BRCA1: variants seen among roughly 807,000 people sequenced by gnomAD.
BRCA1 encodes the protein breast cancer type 1 susceptibility protein.
A neutral mutation model predicts 173.7 loss-of-function variants in BRCA1; 140 were observed. That is an observed-to-expected ratio of 0.81 (90% confidence interval 0.70 to 0.93). The LOEUF (loss-of-function observed/expected upper bound fraction) is 0.93. Ranked by LOEUF, BRCA1 falls within the 40% of genes least tolerant of loss-of-function variation. The pLI is 0.00. For synonymous variants in BRCA1, 662 were observed against 756.0 expected (o/e 0.88, Z 2.04); for missense variants, 1,983 against 2,172.5 (o/e 0.91, Z 1.73).
chr17:43,096,035 C>T, intron 8 of BRCA1, 113 bp from the exon 9 acceptor site: 1 of 884,888 alleles, frequency 1.1e-6, no homozygotes, highest in Non-Finnish European at 1.8e-6. Context: ...GCTGACCAAT[C>T]TTATTTAGTT....
At chr17:43,154,993 C>T (rs778108036) in intron 1 of BRCA1, among the ~76,000 whole-genome samples, 1 of 152,010 alleles carries the variant, frequency 6.6e-6, no homozygotes, top group Non-Finnish European at 1.5e-5. Context: ...AAAGAGGGAG[C>T]AGAGAAGGCA....
chr17:43,121,683 CAAAAAAAAA>C (rs71160013), intron 2 of BRCA1, among the ~76,000 whole-genome samples: 15 of 32,904 alleles, frequency 4.6e-4, no homozygotes, highest in South Asian at 2.8e-3. Flanking sequence ...AAGTCTGTCT[CAAAAAAAAA>C]AAAAAAAAAA....
chr17:43,104,012 C>T (rs917306070), intron 6 of BRCA1, 110 bp downstream of exon 6: 1 of 1,367,708 alleles, frequency 7.3e-7, no homozygotes, highest in East Asian at 2.3e-5. Context: ...GGGGCTAAGG[C>T]AGGAGGACTG....
chr17:43,150,843 C>T (rs182791090), intron 1 of BRCA1, among the ~76,000 whole-genome samples: 19 of 152,212 alleles, frequency 1.2e-4, no homozygotes, highest in Admixed American at 9.8e-4. Context: ...CCTAGTTTGC[C>T]AAAGAGTCTC....
intron 18 of BRCA1, among the ~76,000 whole-genome samples, chr17:43,061,605 C>T: frequency 6.8e-6 from 1 of 146,952 alleles, no homozygotes; most frequent in Middle Eastern, 3.5e-3. Context: ...TTTTTTAAGA[C>T]AGGGTCTCAT....
At chr17:43,135,235 G>A (rs892670122) in intron 1 of BRCA1, among the ~76,000 whole-genome samples, 2 of 152,220 alleles carry the variant, frequency 1.3e-5, no homozygotes, top group Non-Finnish European at 2.9e-5. Context: ...TTCAGCCTCG[G>A]TCCAAAAGGA....
At chr17:43,121,078 G>T (rs35668327) in intron 2 of BRCA1, among the ~76,000 whole-genome samples, 1 of 137,542 alleles carries the variant, frequency 7.3e-6, no homozygotes, top group Non-Finnish European at 1.6e-5. Context: ...CCCCCACCCC[G>T]AAAAAAAAAG....
At chr17:43,067,890 T>TTAA (rs772731581) in intron 15 of BRCA1, among the ~76,000 whole-genome samples, 195 bp from the exon 16 acceptor site, 3 of 50,112 alleles carry the variant, frequency 6.0e-5, no homozygotes, top group African/African-American at 1.9e-4. Context: ...AGGCTGGAGG[T>TTAA]AAAAAAAAAA....
intron 4 of BRCA1, among the ~76,000 whole-genome samples, chr17:43,105,238 T>C (rs576063430): frequency 6.7e-6 from 1 of 149,162 alleles, no homozygotes; most frequent in South Asian, 2.1e-4. Context: ...ACTAGAGTAC[T>C]TTTTTTTTTG....
In BRCA1 at chr17:43,074,311, T is replaced by A. The variant is rs780870669; in HGVS notation, c.4675+20A>T. The A allele has an allele frequency of 6.2e-7, 1 of 1,613,356 alleles. No homozygotes were observed. Among genetic ancestry groups the A allele is most frequent in the South Asian group, 1.1e-5 (1 of 91,048 alleles). ...AGTAAAATCAAAGTGTTTGTTCCAA[T>A]ACAGCAGATGAAATATTACCTAGAT... On this transcript the variant is annotated intron_variant, in intron 14 of 22. Transcript: ENST00000357654.
At chr17:43,087,678 A>G (rs1031049150) in intron 11 of BRCA1, among the ~76,000 whole-genome samples, 7 of 151,886 alleles carry the variant, frequency 4.6e-5, no homozygotes, top group Admixed American at 2.6e-4. Context: ...AAAAAAAAAA[A>G]AAAGAAAAAA....
intron 5 of BRCA1, among the ~76,000 whole-genome samples, chr17:43,104,470 A>G (rs565516352): frequency 1.9e-4 from 29 of 152,328 alleles, no homozygotes; most frequent in African/African-American, 7.0e-4. Context: ...ACAGACCATC[A>G]AAGTTATTTA....
At chr17:43,130,252 G>C (rs1023206317), upstream of BRCA1, among the ~76,000 whole-genome samples, 1 of 152,048 alleles carries the variant, frequency 6.6e-6, no homozygotes, top group African/African-American at 2.4e-5. Flanking sequence ...CTAGGTTCAC[G>C]ATCCTTCCAC....
At chr17:43,106,410 C>T (rs2154554478) in intron 4 of BRCA1, 46 bp downstream of exon 4, 1 of 1,252,068 alleles carries the variant, frequency 8.0e-7, no homozygotes, top group Non-Finnish European at 1.2e-6. Context: ...TCTACTTTTT[C>T]CTACTGTGGT....
intron 1 of BRCA1, among the ~76,000 whole-genome samples, chr17:43,151,815 C>G (rs969968154): frequency 6.6e-6 from 1 of 152,174 alleles, no homozygotes; most frequent in Non-Finnish European, 1.5e-5. Flanking sequence ...AAGATCACTT[C>G]AGCACAACTG....
chr17:43,045,851 G>A lies in BRCA1; in HGVS notation c.5468-49C>T, dbSNP rs1597797362. On this transcript the variant is annotated intron_variant, in intron 22 of 22. Transcript: ENST00000357654. ...AGATTAGTGTCAATTCATTCTCCTGGACTAGGCTCTAATCAATCGACTCCA... is the reference window on the plus strand; with the variant it reads ...AGATTAGTGTCAATTCATTCTCCTGAACTAGGCTCTAATCAATCGACTCCA... 6.2e-7 allele frequency: 1 copy of A among 1,611,962 alleles called. No homozygotes were observed. The highest frequency in any genetic ancestry group is 8.5e-7 in the Non-Finnish European group (1 of 1,178,822).
At chr17:43,146,343 C>G (rs1314221241) in intron 1 of BRCA1, among the ~76,000 whole-genome samples, 4 of 111,106 alleles carry the variant, frequency 3.6e-5, no homozygotes, top group Non-Finnish European at 6.6e-5. Context: ...GAGTCTCACT[C>G]TGTGGCCAAA....
rs1567807704 is a variant in BRCA1, at chr17:43,100,676, AT to A, written c.442-797del. Among the ~76,000 whole-genome samples the A allele has an allele frequency of 1.9e-3, 54 of 27,904 alleles. 5 individuals carry two copies. The highest frequency in any genetic ancestry group is 0.012 in the African/African-American group (39 of 3,238). The allele number at this position is 27,904 out of a possible 152,430, so 18.3% of individuals were successfully genotyped here. ...ATATAACATATATATATATATATAT[AT>A]AATATATATATATATATATATATAT... On this transcript the variant is annotated intron_variant, in intron 6 of 22. Coordinates refer to ENST00000357654, the MANE Select transcript of BRCA1 (RefSeq NM_007294.4).
chr17:43,097,196 T>A (rs2054173665), intron 8 of BRCA1, 48 bp downstream of exon 8: 1 of 1,559,504 alleles, frequency 6.4e-7, no homozygotes, highest in Non-Finnish European at 8.8e-7. Flanking sequence ...TAATATTAAC[T>A]AAATAGGAAA....
Sources: gnomAD v4.1 joint callset for allele counts (sites outside exome capture counted in the v4.1 genomes callset) on GRCh38, gnomAD v4.1.1 for gene constraint, MANE v1.5 for transcripts, NCBI Gene and HGNC (gene_info 2026-07-23, HGNC 2026-07-21) for gene names.